SNTB1: variants seen among roughly 807,000 people sequenced by gnomAD.
The protein encoded by SNTB1 is beta-1-syntrophin.
SNTB1 carries 36 observed loss-of-function variants against 48.9 expected under a neutral mutation model. The ratio of observed to expected loss-of-function variants is 0.74; its 90% CI spans 0.56 to 0.97. The LOEUF (loss-of-function observed/expected upper bound fraction) is 0.97, where lower values mean the gene tolerates loss of function less well. Among genes scored for constraint, SNTB1 ranks in the 50% least tolerant of loss-of-function variants. The pLI, the probability that SNTB1 is intolerant of heterozygous loss-of-function variation, is 0.00. For synonymous variants in SNTB1, 299 were observed against 294.6 expected (o/e 1.01, Z -0.15); for missense variants, 786 against 703.4 (o/e 1.12, Z -1.33).
chr8:120,588,503 G>A (rs1366117114), intron 3 of SNTB1, among the ~76,000 whole-genome samples: 3 of 147,776 alleles, frequency 2.0e-5, no homozygotes, highest in East Asian at 2.0e-4. Context: ...AAACTCCTTC[G>A]TAAAACCTGC....
At position 120,618,612 on chromosome 8, in the gene SNTB1, A is replaced by G. The variant is rs569943179; in HGVS notation, c.996+13832T>C. Among the ~76,000 whole-genome samples, 5 of 152,352 alleles carry G rather than the reference A, an allele frequency of 3.3e-5. No homozygotes were observed. In the East Asian group the frequency reaches 9.6e-4, roughly 29 times the overall value. On this transcript the variant is annotated intron_variant, in intron 3 of 6. Coordinates refer to ENST00000517992, the MANE Select transcript of SNTB1 (RefSeq NM_021021.4). ...TGGATAAGAAAATGACTAGTCATAT[A>G]TTTGTTTGTTTAAAAAATCACTTGA... is the stretch of plus-strand genomic sequence containing the variant.
chr8:120,538,893 A>C lies in SNTB1; in HGVS notation c.1601T>G (p.Leu534Arg), dbSNP rs1184566593. The C allele has an allele frequency of 2.5e-6, 4 of 1,613,628 alleles. No individual in the cohort carries two copies. In the South Asian group the frequency reaches 3.3e-5, roughly 13 times the overall value. ...HSFLSAKITR[L>R]GLVA ...CCCCTGTCTTCAGGCCACCAAGCCCAGTCTTGTAATCTTAGCTGACAGGAA... is the reference window on the plus strand; with the variant it reads ...CCCCTGTCTTCAGGCCACCAAGCCCCGTCTTGTAATCTTAGCTGACAGGAA... The change falls in exon 7 of 7, where the codon CTG becomes CGG. Residue 534 changes from leucine (L) to arginine (R), a missense_variant. Physicochemically the swap from Leu to Arg is moderately radical, Grantham distance 102. Transcript: ENST00000517992.
chr8:120,657,716 C>A (rs1817525003), intron 2 of SNTB1, among the ~76,000 whole-genome samples: 1 of 152,044 alleles, frequency 6.6e-6, no homozygotes, highest in Admixed American at 6.6e-5. Flanking sequence ...TCTGTCTGAC[C>A]CATTTACAAA....
chr8:120,589,620 GC>G (rs573591915), intron 3 of SNTB1, among the ~76,000 whole-genome samples: 145 of 152,270 alleles, frequency 9.5e-4, no homozygotes, highest in Non-Finnish European at 1.5e-3. Flanking sequence ...TCTGGTGAGG[GC>G]CCCCTTCCTG....
At position 120,574,487 on chromosome 8, in the gene SNTB1, T is replaced by C. The variant is rs187901795; in HGVS notation, c.1136+599A>G. Among the ~76,000 whole-genome samples the C allele has an allele frequency of 3.4e-3, 525 of 152,322 alleles. 4 individuals carry two copies. Among genetic ancestry groups the C allele is most frequent in the African/African-American group, 0.012 (501 of 41,572 alleles). On this transcript the variant is annotated intron_variant, in intron 4 of 6. Coordinates refer to ENST00000517992, the MANE Select transcript of SNTB1 (RefSeq NM_021021.4). ...TATATTTATCTCCAAATTTATCAAATTGTATACATTAAATATGTACATAAC... is the reference window on the plus strand; with the variant it reads ...TATATTTATCTCCAAATTTATCAAACTGTATACATTAAATATGTACATAAC...
chr8:120,728,687 T>C (rs773062802), intron 1 of SNTB1, among the ~76,000 whole-genome samples: 2 of 152,246 alleles, frequency 1.3e-5, no homozygotes, highest in Non-Finnish European at 2.9e-5. Context: ...TTTTTATGAC[T>C]GCATAGTATT....
chr8:120,771,576 G>A (rs1427577697), intron 1 of SNTB1, among the ~76,000 whole-genome samples: 5 of 152,156 alleles, frequency 3.3e-5, no homozygotes, highest in African/African-American at 9.7e-5. Flanking sequence ...GACTGGAGAA[G>A]CCCTTAATTG....
At chr8:120,738,801 G>A (rs1240036671) in intron 1 of SNTB1, among the ~76,000 whole-genome samples, 1 of 152,100 alleles carries the variant, frequency 6.6e-6, no homozygotes, top group Non-Finnish European at 1.5e-5. Context: ...TAAGGTTTCT[G>A]GGGATTTTTC....
intron 1 of SNTB1, among the ~76,000 whole-genome samples, chr8:120,738,545 T>TTTCCTTCCTCCCTTCC (rs1818988157): frequency 7.4e-6 from 1 of 135,728 alleles, no homozygotes; most frequent in Non-Finnish European, 1.6e-5. Flanking sequence ...TCCTTCCTTC[T>TTTCCTTCCTCCCTTCC]TTCCTTCCTT....
chr8:120,774,646 C>CTTGT (rs199561190), intron 1 of SNTB1, among the ~76,000 whole-genome samples: 80 of 151,948 alleles, frequency 5.3e-4, no homozygotes, highest in South Asian at 2.7e-3. Flanking sequence ...GGTTTGTTTG[C>CTTGT]TTGTTTGTTT....
intron 1 of SNTB1, among the ~76,000 whole-genome samples, chr8:120,808,580 C>T (rs748471380): frequency 6.6e-6 from 1 of 152,182 alleles, no homozygotes; most frequent in Non-Finnish European, 1.5e-5. Context: ...TTGATATACG[C>T]CTTTCATTCT....
intron 1 of SNTB1, among the ~76,000 whole-genome samples, chr8:120,725,856 T>C (rs144124269): frequency 6.6e-6 from 1 of 152,210 alleles, no homozygotes; most frequent in Non-Finnish European, 1.5e-5. Context: ...GAGTTGCTAT[T>C]TGAAAATTTC....
intron 1 of SNTB1, among the ~76,000 whole-genome samples, chr8:120,785,924 C>T (rs753949448): frequency 1.3e-5 from 2 of 152,218 alleles, no homozygotes; most frequent in African/African-American, 4.8e-5. Flanking sequence ...CGCTGGCTAA[C>T]CAGGAGGTCT....
intron 3 of SNTB1, among the ~76,000 whole-genome samples, chr8:120,603,833 G>T (rs569610461): frequency 6.6e-6 from 1 of 152,170 alleles, no homozygotes; most frequent in Non-Finnish European, 1.5e-5. Flanking sequence ...TCAATCTTGG[G>T]AGGAATAAAG....
chr8:120,722,729 A>T (rs932571538), intron 1 of SNTB1, among the ~76,000 whole-genome samples: 15 of 152,178 alleles, frequency 9.9e-5, no homozygotes, highest in African/African-American at 3.4e-4. Context: ...TTTGCTGTGC[A>T]GGAGCTCTTT....
intron 4 of SNTB1, among the ~76,000 whole-genome samples, chr8:120,558,113 CTT>C (rs1261570686): frequency 6.6e-6 from 1 of 152,214 alleles, no homozygotes; most frequent in Non-Finnish European, 1.5e-5. Context: ...CAGGAACAGT[CTT>C]TTTACATTCC....
rs953796982 is a variant in SNTB1, at chr8:120,655,629, A to C, written c.789-22978T>G. Among the ~76,000 whole-genome samples, 4 of 152,218 alleles carry C rather than the reference A, an allele frequency of 2.6e-5. No homozygotes were observed. In the South Asian group the frequency reaches 8.3e-4, roughly 32 times the overall value. ...TGCTCCATCTAGCAGGATGGTTATA[A>C]AATGTGGTGTTTTGAAAGCAGGGAA... On this transcript the variant is annotated intron_variant, in intron 2 of 6. Coordinates refer to ENST00000517992, the MANE Select transcript of SNTB1 (RefSeq NM_021021.4).
intron 2 of SNTB1, among the ~76,000 whole-genome samples, chr8:120,683,781 G>A (rs548955826): frequency 1.3e-5 from 2 of 152,186 alleles, no homozygotes; most frequent in South Asian, 4.2e-4. Context: ...TGGACTCTGA[G>A]TACAGAGAGA....
At chr8:120,578,804 C>G (rs1043888302) in intron 3 of SNTB1, among the ~76,000 whole-genome samples, 1 of 152,188 alleles carries the variant, frequency 6.6e-6, no homozygotes, top group African/African-American at 2.4e-5. Flanking sequence ...TCTCCCAAAT[C>G]ATCTGGGTCA....
Sources: allele counts gnomAD v4.1 joint callset (sites outside exome capture counted in the v4.1 genomes callset), GRCh38; gene constraint gnomAD v4.1.1; transcripts MANE v1.5; gene names NCBI Gene and HGNC (gene_info 2026-07-23, HGNC 2026-07-21).